Variants in RNF111 observed in about 807,000 individuals in gnomAD.
RNF111 encodes E3 ubiquitin-protein ligase Arkadia.
Under a neutral mutation model 95.1 loss-of-function variants are expected in RNF111, and 17 were observed. That is an observed-to-expected ratio of 0.18 (90% CI 0.12 to 0.27). The LOEUF (loss-of-function observed/expected upper bound fraction) is 0.27, where lower values mean the gene tolerates loss of function less well. Ranked by LOEUF, RNF111 falls within the 10% of genes least tolerant of loss-of-function variation. RNF111 has a pLI of 1.00. For missense variants in RNF111, 1,189 were observed against 1,210.4 expected (o/e 0.98, Z 0.26); for synonymous variants, 440 against 414.8 (o/e 1.06, Z -0.74).
intron 1 of RNF111, among the ~76,000 whole-genome samples, chr15:59,027,986 C>T (rs1172519255): frequency 5.3e-5 from 8 of 151,854 alleles, no homozygotes; most frequent in East Asian, 3.9e-4. Flanking sequence ...CCACCATGCC[C>T]GGATAATTTT....
At chr15:59,049,811 G>A (rs8031390) in intron 2 of RNF111, 41,597 of 143,120 alleles carry the variant, frequency 0.29, 6,156 homozygotes, top group East Asian at 0.41. Context: ...GCAATGGCGC[G>A]ATCTCGGCTC....
intron 1 of RNF111, among the ~76,000 whole-genome samples, chr15:59,017,090 A>G (rs186542725): frequency 6.6e-6 from 1 of 152,056 alleles, no homozygotes; most frequent in African/African-American, 2.4e-5. Context: ...CAATGCAATG[A>G]TAATAGAAAC....
At chr15:59,004,923 G>A (rs2039471519) in intron 1 of RNF111, among the ~76,000 whole-genome samples, 1 of 152,186 alleles carries the variant, frequency 6.6e-6, no homozygotes, top group Admixed American at 6.5e-5. Context: ...AGAGACACTT[G>A]GGAAGTGAGA....
At chr15:59,071,014 G>T (rs1323910311) in intron 6 of RNF111, among the ~76,000 whole-genome samples, 1 of 152,118 alleles carries the variant, frequency 6.6e-6, no homozygotes, top group Non-Finnish European at 1.5e-5. Flanking sequence ...ATACGAAGAA[G>T]TGGCCGGGCG....
At chr15:59,010,832 G>T (rs111635288) in intron 1 of RNF111, among the ~76,000 whole-genome samples, 15 of 152,312 alleles carry the variant, frequency 9.8e-5, no homozygotes, top group African/African-American at 3.6e-4. Flanking sequence ...GAAGATTAAA[G>T]GAGAGCCTGT....
intron 1 of RNF111, among the ~76,000 whole-genome samples, chr15:59,021,625 A>G (rs1415795857): frequency 6.6e-6 from 1 of 152,140 alleles, no homozygotes; most frequent in Non-Finnish European, 1.5e-5. Context: ...TTATGAGGTA[A>G]GTACTATTAT....
At chr15:59,035,725 A>C (rs2041145466) in intron 2 of RNF111, among the ~76,000 whole-genome samples, 1 of 152,242 alleles carries the variant, frequency 6.6e-6, no homozygotes, top group Non-Finnish European at 1.5e-5. Context: ...AAATGCTGCC[A>C]GTCTCTTTGC....
intron 5 of RNF111, among the ~76,000 whole-genome samples, chr15:59,058,854 A>G (rs544375723): frequency 2.0e-5 from 3 of 152,372 alleles, no homozygotes; most frequent in African/African-American, 7.2e-5. Context: ...ATCAAAATTT[A>G]GAACTTTCGT....
chr15:58,995,890 C>T (rs543308250), intron 1 of RNF111, among the ~76,000 whole-genome samples: 1 of 150,442 alleles, frequency 6.6e-6, no homozygotes, highest in Admixed American at 6.7e-5. Context: ...AACCCTGGTT[C>T]CTTTTAGTGA....
At position 58,999,400 on chromosome 15, in the gene RNF111, A is replaced by G. The variant is rs113047964; in HGVS notation, c.-20+11332A>G. On this transcript the variant is annotated intron_variant, in intron 1 of 13. Coordinates refer to ENST00000348370, the MANE Select transcript of RNF111 (RefSeq NM_017610.8). ...ACCCAGGCTGGAGTGCAGTGGTGCAATCTCAGTTCACTGCAATCTCCGCCC... is the reference window on the plus strand; with the variant it reads ...ACCCAGGCTGGAGTGCAGTGGTGCAGTCTCAGTTCACTGCAATCTCCGCCC... 8.2e-3 allele frequency among the ~76,000 whole-genome samples: 1,255 copies of G among 152,184 alleles called. 21 individuals are homozygous for G. The highest frequency in any genetic ancestry group is 0.029 in the African/African-American group (1,194 of 41,514).
rs576585227 is a variant in RNF111 at position 59,054,066 on chromosome 15, G to C, written c.1008-1616G>C. 1.6e-4 allele frequency among the ~76,000 whole-genome samples: 25 copies of C among 152,230 alleles called. No individual in the cohort carries two copies. The South Asian group carries it at 5.2e-3, about 32-fold the overall frequency. ...TCCTCCTCCCTCAGCCTTGTGAGTA[G>C]CTGGGATTACAGGCATGAGCCACCA... On this transcript the variant is annotated intron_variant, in intron 3 of 13. Coordinates refer to ENST00000348370, the MANE Select transcript of RNF111 (RefSeq NM_017610.8).
intron 5 of RNF111, among the ~76,000 whole-genome samples, chr15:59,063,731 G>A (rs931959200): frequency 1.3e-5 from 2 of 152,188 alleles, no homozygotes; most frequent in African/African-American, 4.8e-5. Flanking sequence ...AAGAGGACAA[G>A]CTGTTTCTGA....
At chr15:59,069,912 G>A (rs956769244) in intron 6 of RNF111, among the ~76,000 whole-genome samples, 7 of 151,388 alleles carry the variant, frequency 4.6e-5, no homozygotes, top group Non-Finnish European at 7.4e-5. Context: ...CTGGCATACC[G>A]AGAAGATGCA....
chr15:59,017,452 T>C (rs1477694228), intron 1 of RNF111, among the ~76,000 whole-genome samples: 1 of 152,212 alleles, frequency 6.6e-6, no homozygotes, highest in Non-Finnish European at 1.5e-5. Context: ...TGTTACAGAT[T>C]GTTAAATTTT....
chr15:59,019,674 T>G (rs1280398000), intron 1 of RNF111, among the ~76,000 whole-genome samples: 1 of 152,126 alleles, frequency 6.6e-6, no homozygotes, highest in Non-Finnish European at 1.5e-5. Flanking sequence ...TTAAAAGTAT[T>G]TAAGCCAGGC....
intron 1 of RNF111, among the ~76,000 whole-genome samples, chr15:59,005,649 A>T (rs2039508179): frequency 6.6e-6 from 1 of 152,130 alleles, no homozygotes; most frequent in African/African-American, 2.4e-5. Flanking sequence ...AGGTGGGTGT[A>T]GCTAGAGGAT....
intron 2 of RNF111, among the ~76,000 whole-genome samples, chr15:59,047,527 T>G (rs1470098093): frequency 6.6e-6 from 1 of 152,068 alleles, no homozygotes; most frequent in Non-Finnish European, 1.5e-5. Flanking sequence ...GAGTAACTAA[T>G]AATCACATGA....
intron 6 of RNF111, among the ~76,000 whole-genome samples, chr15:59,067,922 C>T (rs1403258930): frequency 6.6e-6 from 1 of 152,130 alleles, no homozygotes; most frequent in Non-Finnish European, 1.5e-5. Flanking sequence ...TATGGAGAAT[C>T]AAAATGTCAG....
intron 3 of RNF111, among the ~76,000 whole-genome samples, chr15:59,054,903 A>C (rs541339811): frequency 6.6e-6 from 1 of 152,284 alleles, no homozygotes; most frequent in South Asian, 2.1e-4. Flanking sequence ...CACCTTTCTA[A>C]AAGATTTATT....
Sources: allele counts gnomAD v4.1 joint callset (sites outside exome capture counted in the v4.1 genomes callset), GRCh38; gene constraint gnomAD v4.1.1; transcripts MANE v1.5; gene names NCBI Gene and HGNC (gene_info 2026-07-23, HGNC 2026-07-21).